NAV2: variants seen among roughly 807,000 people sequenced by gnomAD.
NAV2 encodes helicase, APC down-regulated 1.
Under a neutral mutation model 223.2 loss-of-function variants are expected in NAV2, and 54 were observed. The ratio of observed to expected loss-of-function variants is 0.24; its 90% confidence interval spans 0.19 to 0.30. NAV2 has a LOEUF of 0.30. NAV2 is among the 10% of genes least tolerant of loss of function. The pLI is 1.00. For synonymous variants in NAV2, 1,279 were observed against 1,239.3 expected (o/e 1.03, Z -0.67); for missense variants, 2,806 against 3,147.5 (o/e 0.89, Z 2.60).
intron 24 of NAV2, among the ~76,000 whole-genome samples, chr11:20,079,451 A>G (rs1271012802): frequency 6.6e-6 from 1 of 152,208 alleles, no homozygotes; most frequent in Non-Finnish European, 1.5e-5. Flanking sequence ...CTTTAGGTGT[A>G]GTTCTGTCCT....
chr11:19,576,950 C>A (rs1327425082), intron 1 of NAV2, among the ~76,000 whole-genome samples: 1 of 152,152 alleles, frequency 6.6e-6, no homozygotes, highest in Non-Finnish European at 1.5e-5. Context: ...GACAGCTCCC[C>A]CTTCTCTACT....
intron 1 of NAV2, among the ~76,000 whole-genome samples, chr11:19,435,787 C>T (rs1269318486): frequency 6.6e-6 from 1 of 152,172 alleles, no homozygotes; most frequent in African/African-American, 2.4e-5. Context: ...GAGATGATAG[C>T]TCATTGTGGT....
rs771952593 is a variant in NAV2, at chr11:19,939,617, T to C, written c.2034-44T>C. The C allele has an allele frequency of 3.3e-6, 5 of 1,511,944 alleles. No homozygotes were observed. In the African/African-American group the frequency reaches 6.9e-5, roughly 21 times the overall value. 93.7% of individuals were successfully genotyped at this position (1,511,944 alleles called of 1,614,324 possible). A position where few individuals can be genotyped will look rare whatever the true frequency, so the allele number is the denominator to read the frequency against. On this transcript the variant is annotated intron_variant, in intron 7 of 37. Coordinates refer to ENST00000349880, the MANE Select transcript of NAV2 (RefSeq NM_145117.5). ...GACCACAGTGGTCCAGATGTGGTAG[T>C]TGCCTCTCATGACAAGTGTGTCTGC...
chr11:19,591,670 T>G (rs188159409), intron 1 of NAV2, among the ~76,000 whole-genome samples: 3 of 152,212 alleles, frequency 2.0e-5, no homozygotes, highest in Non-Finnish European at 1.5e-5. Context: ...AAGATAAAAT[T>G]CCACGGTCCA....
intron 11 of NAV2, among the ~76,000 whole-genome samples, chr11:20,026,546 G>A (rs949838109): frequency 2.5e-4 from 38 of 152,140 alleles, no homozygotes; most frequent in Non-Finnish European, 5.0e-4. Flanking sequence ...TCCTGACCTC[G>A]TGATCCACCC....
intron 1 of NAV2, among the ~76,000 whole-genome samples, chr11:19,491,294 T>C (rs534570072): frequency 8.5e-5 from 13 of 152,348 alleles, no homozygotes; most frequent in African/African-American, 3.1e-4. Flanking sequence ...TCTCTAGCTA[T>C]GAAAGTCCTA....
chr11:19,648,455 C>T (rs902129102), intron 1 of NAV2, among the ~76,000 whole-genome samples: 1 of 152,144 alleles, frequency 6.6e-6, no homozygotes, highest in Non-Finnish European at 1.5e-5. Flanking sequence ...AAACATTTTC[C>T]CGCACATCAC....
chr11:19,589,933 A>G (rs1406758588), intron 1 of NAV2, among the ~76,000 whole-genome samples: 1 of 152,214 alleles, frequency 6.6e-6, no homozygotes, highest in Non-Finnish European at 1.5e-5. Flanking sequence ...GCCTAGGCTC[A>G]GCCCTGAGCT....
chr11:19,820,920 G>T (rs1201666101), intron 1 of NAV2, among the ~76,000 whole-genome samples: 2 of 152,222 alleles, frequency 1.3e-5, no homozygotes, highest in African/African-American at 4.8e-5. Context: ...ATGAGGAAAT[G>T]AATAGGAAAG....
At chr11:19,760,646 C>A (rs1033862480) in intron 1 of NAV2, among the ~76,000 whole-genome samples, 5 of 152,120 alleles carry the variant, frequency 3.3e-5, no homozygotes, top group Admixed American at 2.0e-4. Context: ...CAAACGGCAC[C>A]TTTTCAAAAT....
chr11:19,348,372 A>T (rs1853114501), upstream of NAV2, among the ~76,000 whole-genome samples: 1 of 152,114 alleles, frequency 6.6e-6, no homozygotes, highest in African/African-American at 2.4e-5. Flanking sequence ...TAGCTATGAA[A>T]AGTGTAGATT....
In NAV2 at chr11:19,713,645, C is replaced by G; in HGVS notation, c.-51C>G. The stretch of plus-strand genomic sequence containing the variant: ...ACCCGCGCTGCCTTTAGCGGTCGCC[C>G]CCGCCGCCGCTGCCAGGGACGTGCT... On this transcript the variant is annotated 5_prime_UTR_variant, in exon 1 of 38. Coordinates refer to ENST00000349880, the MANE Select transcript of NAV2 (RefSeq NM_145117.5). This position sits in a 1 kb window ranked among gnomAD's most constrained non-coding sequence, Gnocchi z 7.2. 2.0e-6 allele frequency: 3 copies of G among 1,496,822 alleles called. No individual in the cohort carries two copies. The highest frequency in any genetic ancestry group is 2.8e-5 in the South Asian group (2 of 72,388). The allele number at this position is 1,496,822 out of a possible 1,614,324, so 92.7% of individuals were successfully genotyped here.
chr11:19,467,166 T>G (rs189714882), intron 1 of NAV2, among the ~76,000 whole-genome samples: 17 of 152,340 alleles, frequency 1.1e-4, no homozygotes, highest in African/African-American at 4.1e-4. Flanking sequence ...CTTTCCCCTA[T>G]GATGTTACAT....
chr11:19,733,864 T>C (rs752423766), intron 1 of NAV2, among the ~76,000 whole-genome samples: 5 of 152,146 alleles, frequency 3.3e-5, no homozygotes, highest in Admixed American at 6.5e-5. Flanking sequence ...GTAGTTGTGA[T>C]AGTGATAGTG....
intron 11 of NAV2, chr11:20,027,233 C>T: frequency 3.1e-6 from 3 of 981,654 alleles, no homozygotes; most frequent in Non-Finnish European, 3.6e-6. Context: ...TTCTCTTCCC[C>T]AGGGGTTACT....
At position 19,892,564 on chromosome 11, in the gene NAV2, C is replaced by T. The variant is rs755049005; in HGVS notation, c.901C>T (p.Pro301Ser). 6.2e-7 allele frequency: 1 copy of T among 1,613,974 alleles called. No individual in the cohort carries two copies. ...TGATAAATCCAAACCAGTCACCTCC[C>T]CACCCCCACCGCCAAGCAGCCACGA... ...NYDKSKPVTS[P>S]PPPPSSHEKE... The change falls in exon 6 of 38, where the codon CCA (proline) becomes TCA (serine). Residue 301 changes from proline (P) to serine (S), a missense_variant. By Grantham distance (74) the Pro-to-Ser change is moderately conservative. Around this residue, in one of 4 missense-constraint regions of NAV2, gnomAD observed 1,167 missense variants for 1,180.5 expected, o/e 0.99. Coordinates refer to ENST00000349880, the MANE Select transcript of NAV2 (RefSeq NM_145117.5).
At chr11:19,631,411 C>G (rs541830767) in intron 1 of NAV2, among the ~76,000 whole-genome samples, 2 of 152,314 alleles carry the variant, frequency 1.3e-5, no homozygotes, top group South Asian at 4.1e-4. Flanking sequence ...CCAGTTTCAT[C>G]TGAGGGCCTT....
At chr11:19,936,026 A>ATTTT (rs11315576) in intron 7 of NAV2, among the ~76,000 whole-genome samples, 3 of 139,450 alleles carry the variant, frequency 2.2e-5, no homozygotes, top group African/African-American at 8.0e-5. Flanking sequence ...TGCCTGGCTA[A>ATTTT]TTTTTTTTTT....
At chr11:19,888,179 C>T (rs1388790792) in intron 5 of NAV2, among the ~76,000 whole-genome samples, 1 of 152,114 alleles carries the variant, frequency 6.6e-6, no homozygotes, top group Non-Finnish European at 1.5e-5. Flanking sequence ...TTCAAAGGAC[C>T]CGTCTGTGTT....
Sources: gnomAD v4.1 joint callset for allele counts (sites outside exome capture counted in the v4.1 genomes callset) on GRCh38, gnomAD v4.1.1 for gene constraint, gnomAD v4.1.1 regional missense constraint, Gnocchi (gnomAD v3.1) non-coding constraint, MANE v1.5 for transcripts, NCBI Gene and HGNC (gene_info 2026-07-23, HGNC 2026-07-21) for gene names.